Variants in PPP2R2C observed in about 807,000 individuals in gnomAD.
PPP2R2C encodes the protein protein phosphatase 2, regulatory subunit B, gamma.
Under a neutral mutation model 45.3 loss-of-function variants are expected in PPP2R2C, and 10 were observed. That is an observed-to-expected ratio of 0.22 (90% CI 0.14 to 0.37). The LOEUF (loss-of-function observed/expected upper bound fraction) is 0.37. Ranked by LOEUF, PPP2R2C falls within the 10% of genes least tolerant of loss-of-function variation. The pLI is 1.00. For missense variants in PPP2R2C, 308 were observed against 619.7 expected (o/e 0.50, Z 5.34); for synonymous variants, 257 against 245.4 (o/e 1.05, Z -0.44).
chr4:6,350,190 CAAGAA>C (rs1404121900), intron 5 of PPP2R2C: 5 of 985,308 alleles, frequency 5.1e-6, no homozygotes, highest in Non-Finnish European at 6.0e-6. Flanking sequence ...GAAGGCCAAG[CAAGAA>C]AAGAGCCCTC....
chr4:6,422,103 A>G (rs1436956907), intron 1 of PPP2R2C, among the ~76,000 whole-genome samples: 2 of 151,030 alleles, frequency 1.3e-5, no homozygotes, highest in Non-Finnish European at 2.9e-5. Context: ...TTTGTTTCTC[A>G]CAAATGCTCA....
Position 6,381,028 on chromosome 4 carries a change from C to T in PPP2R2C, c.137G>A (p.Gly46Asp). 1 of 1,559,050 alleles carries T rather than the reference C, an allele frequency of 6.4e-7. No homozygotes were observed. Among genetic ancestry groups the T allele is most frequent in the Non-Finnish European group, 8.7e-7 (1 of 1,147,964 alleles). The change falls in exon 2 of 9, where the codon GGC (glycine) becomes GAC (aspartate). Residue 46 changes from glycine to aspartate, a missense_variant. By Grantham distance (94) the Gly-to-Asp change is moderately conservative. Coordinates refer to ENST00000382599, the MANE Select transcript of PPP2R2C (RefSeq NM_020416.4). ...GELLATGDKG[G>D]RVVIFQREPE... ...TTCCCGCTGGAAGATGACGACCCGGCCGCCCTTGTCACCTGTGGCCAGCAG... is the reference window on the plus strand; with the variant it reads ...TTCCCGCTGGAAGATGACGACCCGGTCGCCCTTGTCACCTGTGGCCAGCAG...
intron 2 of PPP2R2C, among the ~76,000 whole-genome samples, chr4:6,496,437 A>T (rs1365109672): frequency 6.6e-6 from 1 of 152,178 alleles, no homozygotes; most frequent in Non-Finnish European, 1.5e-5. Context: ...TTGCATTTCC[A>T]GTGAACACCC....
At chr4:6,457,466 G>A (rs12509174) in intron 1 of PPP2R2C, among the ~76,000 whole-genome samples, 30,986 of 151,862 alleles carry the variant, frequency 0.2, 4,051 homozygotes, top group Admixed American at 0.34. Flanking sequence ...CAACCTCCTG[G>A]GTTCAAGTGA....
At chr4:6,381,129 T>C (rs1357165278) in intron 1 of PPP2R2C, 35 bp from the exon 2 acceptor site, 1 of 1,554,462 alleles carries the variant, frequency 6.4e-7, no homozygotes, top group African/African-American at 1.4e-5. Flanking sequence ...AAGGGGTGGC[T>C]GTCAGAACCC....
chr4:6,455,578 G>T (rs145884912), intron 1 of PPP2R2C, among the ~76,000 whole-genome samples: 1 of 152,170 alleles, frequency 6.6e-6, no homozygotes, highest in Non-Finnish European at 1.5e-5. Context: ...CCCTTCCACT[G>T]CCCACCCTGG....
intron 1 of PPP2R2C, among the ~76,000 whole-genome samples, chr4:6,455,799 C>T (rs1485937749): frequency 1.3e-5 from 2 of 152,182 alleles, no homozygotes; most frequent in African/African-American, 4.8e-5. Flanking sequence ...CGTGCTGTGC[C>T]CATAATGTCC....
chr4:6,453,721 C>T (rs1386097563), intron 1 of PPP2R2C, among the ~76,000 whole-genome samples: 2 of 152,198 alleles, frequency 1.3e-5, no homozygotes, highest in East Asian at 3.9e-4. Context: ...TCAAGCCACA[C>T]TGAATTAGCC....
upstream of PPP2R2C, among the ~76,000 whole-genome samples, chr4:6,477,088 A>C (rs935830795): frequency 6.6e-6 from 1 of 152,100 alleles, no homozygotes; most frequent in Non-Finnish European, 1.5e-5. Context: ...CCCCGTCTCT[A>C]CTAAAAAAAT....
chr4:6,339,950 C>G (rs894393607), intron 6 of PPP2R2C, among the ~76,000 whole-genome samples: 4 of 152,188 alleles, frequency 2.6e-5, no homozygotes, highest in South Asian at 4.1e-4. Flanking sequence ...CCCCGAGCAC[C>G]CCTGGACACT....
chr4:6,557,158 G>T (rs941844029), intron 1 of PPP2R2C, among the ~76,000 whole-genome samples: 2 of 152,190 alleles, frequency 1.3e-5, no homozygotes, highest in Admixed American at 6.5e-5. Context: ...CCTTTCCTGA[G>T]AAAGAGTAGA....
chr4:6,556,076 C>T (rs779375847), intron 1 of PPP2R2C, among the ~76,000 whole-genome samples: 3 of 152,118 alleles, frequency 2.0e-5, no homozygotes, highest in Admixed American at 6.5e-5. Flanking sequence ...GAGCCTCCTG[C>T]GTGAAGGATG....
chr4:6,386,297 CAG>C (rs1467903028), intron 1 of PPP2R2C, among the ~76,000 whole-genome samples: 3 of 152,202 alleles, frequency 2.0e-5, no homozygotes, highest in African/African-American at 7.2e-5. Flanking sequence ...GACGGAAAGC[CAG>C]AGTCTCACTG....
intron 2 of PPP2R2C, among the ~76,000 whole-genome samples, chr4:6,503,642 GA>G (rs960468477): frequency 6.6e-6 from 1 of 151,986 alleles, no homozygotes; most frequent in African/African-American, 2.4e-5. Context: ...TGACCCAAGA[GA>G]AAAAAACTTA....
Position 6,345,288 on chromosome 4 carries a change from G to A in PPP2R2C, c.790+2558C>T, listed in dbSNP as rs1711739551. ...GCACAGCTGGAGGCACATGTGGCCT[G>A]AGTGAATGGGCGGGAGGCGTAGGTG... On this transcript the variant is annotated intron_variant, in intron 6 of 8. Coordinates refer to ENST00000382599, the MANE Select transcript of PPP2R2C (RefSeq NM_020416.4). This position sits in a 1 kb window ranked among gnomAD's most constrained non-coding sequence, Gnocchi z 5.3. Among the ~76,000 whole-genome samples, 1 of 152,194 alleles carries A rather than the reference G, an allele frequency of 6.6e-6. No individual in the cohort carries two copies. The highest frequency in any genetic ancestry group is 2.1e-4 in the South Asian group (1 of 4,830).
intron 1 of PPP2R2C, among the ~76,000 whole-genome samples, chr4:6,403,028 G>C (rs1195919958): frequency 1.3e-5 from 2 of 152,208 alleles, no homozygotes; most frequent in Non-Finnish European, 2.9e-5. Context: ...CAGCTAGTAA[G>C]ACCAGGCGGC....
At chr4:6,515,621 C>T (rs372373251) in intron 2 of PPP2R2C, among the ~76,000 whole-genome samples, 94 of 152,342 alleles carry the variant, frequency 6.2e-4, no homozygotes, top group African/African-American at 2.1e-3. Flanking sequence ...TATAAACACA[C>T]GAGAAATTTT....
Position 6,323,076 on chromosome 4 carries a change from T to G in PPP2R2C, c.*226A>C, listed in dbSNP as rs3796400. On this transcript the variant is annotated 3_prime_UTR_variant, in exon 9 of 9. Transcript: ENST00000382599. ...TGATTTGTGGCGGTGAACGCTTCCT[T>G]TCCTTTTTATTTTTTTAAACAGACA... The G allele has an allele frequency of 1.3e-5, 6 of 460,574 alleles. No homozygotes were observed. Among genetic ancestry groups the G allele is most frequent in the African/African-American group, 9.9e-5 (5 of 50,738 alleles). The allele number at this position is 460,574 out of a possible 1,614,324, so 28.5% of individuals were successfully genotyped here.
chr4:6,510,990 C>CAAAAAAAAAAAAA (rs1389589810), intron 2 of PPP2R2C, among the ~76,000 whole-genome samples: 32 of 130,872 alleles, frequency 2.4e-4, no homozygotes, highest in Non-Finnish European at 4.0e-4. Context: ...CAAAAAAAAA[C>CAAAAAAAAAAAAA]AAACAAACAA....
Sources: gnomAD v4.1 joint callset for allele counts (sites outside exome capture counted in the v4.1 genomes callset) on GRCh38, gnomAD v4.1.1 for gene constraint, Gnocchi (gnomAD v3.1) non-coding constraint, MANE v1.5 for transcripts, NCBI Gene and HGNC (gene_info 2026-07-23, HGNC 2026-07-21) for gene names.